Variants in TSPAN4 observed in about 807,000 individuals in gnomAD.
TSPAN4 encodes the protein tetraspanin-4.
In TSPAN4, 38 loss-of-function variants were observed where a neutral mutation model predicts 31.5. The ratio of observed to expected loss-of-function variants is 1.21; its 90% CI spans 0.93 to 1.58. TSPAN4 has a LOEUF of 1.58. TSPAN4 is among the 40% of genes most tolerant of loss of function. The pLI is 0.00. For missense variants in TSPAN4, 330 were observed against 317.3 expected (o/e 1.04, Z -0.30); for synonymous variants, 186 against 144.6 (o/e 1.29, Z -2.06).
At position 854,722 on chromosome 11, in the gene TSPAN4, C is replaced by T. The variant is rs557881037; in HGVS notation, c.63+4355C>T. 9.5e-3 allele frequency among the ~76,000 whole-genome samples: 36 copies of T among 3,800 alleles called. No individual in the cohort carries two copies. In the Admixed American group the frequency reaches 0.15, roughly 16 times the overall value. The allele number at this position is 3,800 out of a possible 152,430, so 2.5% of individuals were successfully genotyped here. ...CCTCTGCTCTAAGATCAGCAGTGAGCCTGGTGGAGGGGGTGCAGTGGGGGC... is the reference window on the plus strand; with the variant it reads ...CCTCTGCTCTAAGATCAGCAGTGAGTCTGGTGGAGGGGGTGCAGTGGGGGC... On this transcript the variant is annotated intron_variant, in intron 3 of 8. Transcript: ENST00000397397.
At chr11:844,119 G>A (rs1200681961) in intron 1 of TSPAN4, 1 of 152,334 alleles carries the variant, frequency 6.6e-6, no homozygotes, top group African/African-American at 2.4e-5. Context: ...GGCAGGACAG[G>A]GGCCCTGAGT....
intron 2 of TSPAN4, among the ~76,000 whole-genome samples, chr11:847,696 T>TG (rs968399994): frequency 9.2e-5 from 13 of 140,950 alleles, no homozygotes; most frequent in African/African-American, 3.5e-4. Flanking sequence ...TCTGCTCACC[T>TG]GGGCGATGTG....
In TSPAN4 at chr11:865,765, C is replaced by T; in HGVS notation, c.504C>T (p.Ser168=). 3 of 1,613,024 alleles carry T rather than the reference C, an allele frequency of 1.9e-6. No individual in the cohort carries two copies. Among genetic ancestry groups the T allele is most frequent in the Non-Finnish European group, 2.5e-6 (3 of 1,179,838 alleles). The change falls in exon 7 of 9, where the codon TCC becomes TCT. Residue 168 remains serine, a synonymous_variant. Coordinates refer to ENST00000397397, the MANE Select transcript of TSPAN4 (RefSeq NM_003271.5). ...EVYNATRVPD[S]CCLEFSESCG... Reference sequence around the variant, plus strand: ...ACAACGCCACGCGGGTACCTGACTCCTGCTGCTTGGAGTTCAGTGAGAGCT... The same window carrying T: ...ACAACGCCACGCGGGTACCTGACTCTTGCTGCTTGGAGTTCAGTGAGAGCT...
At chr11:844,186 G>T in intron 1 of TSPAN4, 1 of 153,006 alleles carries the variant, frequency 6.5e-6, no homozygotes, top group Non-Finnish European at 1.5e-5. Context: ...TGGCTGTGGA[G>T]GTGAGGGGGG....
At chr11:862,525 T>C in intron 3 of TSPAN4, 25 bp from the exon 4 acceptor site, 1 of 1,584,052 alleles carries the variant, frequency 6.3e-7, no homozygotes, top group Middle Eastern at 2.2e-4. Flanking sequence ...ACCCTGTCTG[T>C]GTCTCTCCTG....
intron 4 of TSPAN4, 27 bp downstream of exon 4, chr11:862,768 C>T: frequency 6.3e-7 from 1 of 1,585,390 alleles, no homozygotes; most frequent in South Asian, 1.2e-5. Flanking sequence ...AAGCGATGCT[C>T]CGGGTGGGAC....
At chr11:864,103 A>G (rs1848629820) in intron 4 of TSPAN4, 1 of 416,272 alleles carries the variant, frequency 2.4e-6, no homozygotes, top group East Asian at 4.4e-5. Flanking sequence ...TCCTGAAGGC[A>G]GCTGACAGGG....
At chr11:850,673 G>A (rs981497928) in intron 3 of TSPAN4, among the ~76,000 whole-genome samples, 1 of 152,206 alleles carries the variant, frequency 6.6e-6, no homozygotes, top group Non-Finnish European at 1.5e-5. Context: ...GTGCGCGCCG[G>A]ACAGGGCCAC....
At position 866,625 on chromosome 11, in the gene TSPAN4, G is replaced by A. The variant is rs141360844; in HGVS notation, c.712G>A (p.Ala238Thr). The change falls in exon 9 of 9, where the codon GCG becomes ACG. Residue 238 changes from alanine (A) to threonine (T), a missense_variant. Coordinates refer to ENST00000397397, the MANE Select transcript of TSPAN4 (RefSeq NM_003271.5). ...AGTGGTCAAGGCAGACACCTACTGC[G>A]CGTAGGCCGCCCACCGCCCGCTTCT... Reference protein sequence around the residue: ...CQVVKADTYCA With the variant: ...CQVVKADTYCT 3.2e-3 allele frequency: 5,187 copies of A among 1,612,180 alleles called. 12 individuals carry two copies. The highest frequency in any genetic ancestry group is 7.8e-3 in the Middle Eastern group (47 of 6,050).
rs182200924 is a variant in TSPAN4 at position 859,068 on chromosome 11, C to T, written c.64-3482C>T. On this transcript the variant is annotated intron_variant, in intron 3 of 8. Transcript: ENST00000397397. ...CGGGCTCACACCAACAGCTTGCACCCCCGGCACACATGCACCCCGGCTCAC... is the reference window on the plus strand; with the variant it reads ...CGGGCTCACACCAACAGCTTGCACCTCCGGCACACATGCACCCCGGCTCAC... Among the ~76,000 whole-genome samples, 74 of 134,908 alleles carry T rather than the reference C, an allele frequency of 5.5e-4. 2 individuals carry two copies. The East Asian group carries it at 0.018, about 32-fold the overall frequency. 88.5% of individuals were successfully genotyped at this position (134,908 alleles called of 152,430 possible). A position where few individuals can be genotyped will look rare whatever the true frequency, so the allele number is the denominator to read the frequency against.
chr11:862,424 T>C, intron 3 of TSPAN4, 126 bp from the exon 4 acceptor site: 1 of 842,098 alleles, frequency 1.2e-6, no homozygotes. Context: ...AGCAGGACTC[T>C]GGGTGGTTCT....
In TSPAN4 at chr11:865,561, GGC is replaced by G; in HGVS notation, c.380_381del (p.Gly127AspfsTer28). On this transcript the variant is annotated frameshift_variant, in exon 6 of 9. Coordinates refer to ENST00000397397, the MANE Select transcript of TSPAN4 (RefSeq NM_003271.5). LOFTEE classifies it high-confidence loss of function. ...QDLKKGLHLY[G>X]TQGNVGLTNA... ...CCTGAAGAAAGGCTTGCACCTGTACGGCACGCAGGGCAACGTGGGCCTCACCA... is the reference window on the plus strand; with the variant it reads ...CCTGAAGAAAGGCTTGCACCTGTACGACGCAGGGCAACGTGGGCCTCACCA... 6.2e-7 allele frequency: 1 copy of G among 1,612,612 alleles called. No individual in the cohort carries two copies. Among genetic ancestry groups the G allele is most frequent in the Non-Finnish European group, 8.5e-7 (1 of 1,179,878 alleles).
rs764801198 is a variant in TSPAN4, at chr11:850,298, C to G, written c.-7C>G. The G allele has an allele frequency of 1.9e-6, 3 of 1,607,158 alleles. No individual in the cohort carries two copies. The highest frequency in any genetic ancestry group is 1.7e-4 in the Middle Eastern group (1 of 6,042). ...TCATCTTCCTCCTAGAACTGAAGCG[C>G]TGCGGCATGGCGCGCGCCTGCCTCC... On this transcript the variant is annotated 5_prime_UTR_variant, in exon 3 of 9. Transcript: ENST00000397397.
At position 865,187 on chromosome 11, in the gene TSPAN4, C is replaced by T. The variant is rs537424587; in HGVS notation, c.331-326C>T. The T allele has an allele frequency of 6.7e-5, 22 of 328,446 alleles. No individual in the cohort carries two copies. The East Asian group carries it at 1.4e-3, about 21-fold the overall frequency. 20.3% of individuals were successfully genotyped at this position (328,446 alleles called of 1,614,324 possible). Reference sequence around the variant, plus strand: ...CCGAGGCCAGGGTGCTGGGTGGGCTCAGCGCTCATAGCCCCTGGCTTTCAG... The same window carrying T: ...CCGAGGCCAGGGTGCTGGGTGGGCTTAGCGCTCATAGCCCCTGGCTTTCAG... On this transcript the variant is annotated intron_variant, in intron 5 of 8. Transcript: ENST00000397397.
In TSPAN4 at chr11:855,893, C is replaced by T. The variant is rs538814518; in HGVS notation, c.63+5526C>T. ...CCAGCCCCCCATCCTATTCCAAGGA[C>T]GTGGCTGGCAGCCCAGCCATCTGCC... On this transcript the variant is annotated intron_variant, in intron 3 of 8. Transcript: ENST00000397397. Among the ~76,000 whole-genome samples, 8 of 152,320 alleles carry T rather than the reference C, an allele frequency of 5.3e-5. No homozygotes were observed. The East Asian group carries it at 7.7e-4, about 15-fold the overall frequency.
chr11:849,018 C>T (rs1295286786), intron 2 of TSPAN4: 9 of 597,324 alleles, frequency 1.5e-5, no homozygotes, highest in South Asian at 5.8e-5. Context: ...AAATTCTGGG[C>T]CCCTTGTTTA....
chr11:864,773 G>C (rs1016290856), intron 5 of TSPAN4: 41 of 567,322 alleles, frequency 7.2e-5, no homozygotes, highest in Non-Finnish European at 1.2e-4. Context: ...CCCGCCCTCT[G>C]ACGCAGCGTC....
At chr11:860,785 T>C (rs1677231603) in intron 3 of TSPAN4, among the ~76,000 whole-genome samples, 1 of 152,020 alleles carries the variant, frequency 6.6e-6, no homozygotes, top group Non-Finnish European at 1.5e-5. Flanking sequence ...GTCTGGGTGC[T>C]CCAAGGGGTT....
chr11:845,974 G>A (rs1404531564), intron 1 of TSPAN4, among the ~76,000 whole-genome samples: 1 of 152,194 alleles, frequency 6.6e-6, no homozygotes, highest in Admixed American at 6.5e-5. Flanking sequence ...GACCCCCCAG[G>A]GTGAGGGCTT....
Sources: allele counts gnomAD v4.1 joint callset (sites outside exome capture counted in the v4.1 genomes callset), GRCh38; gene constraint gnomAD v4.1.1; transcripts MANE v1.5; gene names NCBI Gene and HGNC (gene_info 2026-07-23, HGNC 2026-07-21).